Variants in GLTP observed in about 807,000 individuals in gnomAD.
GLTP encodes glycolipid transfer protein.
In GLTP, 22 loss-of-function variants were observed where a neutral mutation model predicts 24.0. The observed-to-expected ratio is 0.92, with a 90% CI of 0.65 to 1.31. GLTP has a LOEUF of 1.31. Among genes scored for constraint, GLTP ranks in the 50% most tolerant of loss-of-function variants. The probability of loss-of-function intolerance (pLI) is 0.00; values close to 1 mark genes in which losing one functional copy is unlikely to be tolerated. For synonymous variants in GLTP, 92 were observed against 115.9 expected (o/e 0.79, Z 1.33); for missense variants, 224 against 276.6 (o/e 0.81, Z 1.35).
chr12:109,852,466 G>A lies in GLTP; in HGVS notation c.*89C>T, dbSNP rs1892738084. The stretch of plus-strand genomic sequence containing the variant: ...CTGCTCTGGGGGACACAGGCCAGGG[G>A]CAGTTCACCGACTTGATTCACAGTG... On this transcript the variant is annotated 3_prime_UTR_variant, in exon 5 of 5. Transcript: ENST00000318348. 2.4e-6 allele frequency: 2 copies of A among 835,742 alleles called. No homozygotes were observed. The highest frequency in any genetic ancestry group is 1.5e-5 in the South Asian group (1 of 66,420). 51.8% of individuals were successfully genotyped at this position (835,742 alleles called of 1,614,324 possible).
chr12:109,877,283 A>C (rs1868918341), intron 1 of GLTP, among the ~76,000 whole-genome samples: 1 of 152,258 alleles, frequency 6.6e-6, no homozygotes, highest in Admixed American at 6.5e-5. Context: ...ACTAATCTAC[A>C]TAGAGTACTT....
In GLTP at chr12:109,855,608, G is replaced by C. The variant is rs763488932; in HGVS notation, c.447+11C>G. On this transcript the variant is annotated intron_variant, in intron 4 of 4. Coordinates refer to ENST00000318348, the MANE Select transcript of GLTP (RefSeq NM_016433.4). This position sits in a 1 kb window ranked among gnomAD's most constrained non-coding sequence, Gnocchi z 4.1. ...GCTGGTGGTCCTTTGGGGCTCATGG[G>C]GGTGGCTCACCTGGAAGATCTTCTG... 5 of 1,542,314 alleles carry C rather than the reference G, an allele frequency of 3.2e-6. No homozygotes were observed. Among genetic ancestry groups the C allele is most frequent in the Non-Finnish European group, 4.4e-6 (5 of 1,141,858 alleles).
intron 1 of GLTP, among the ~76,000 whole-genome samples, chr12:109,871,860 G>C (rs754166345): frequency 1.3e-5 from 2 of 152,194 alleles, no homozygotes; most frequent in African/African-American, 4.8e-5. Context: ...CCCATTGGTG[G>C]GTCCTGGGAG....
intron 1 of GLTP, among the ~76,000 whole-genome samples, chr12:109,868,066 C>A (rs950807458): frequency 6.6e-6 from 1 of 152,150 alleles, no homozygotes; most frequent in Non-Finnish European, 1.5e-5. Flanking sequence ...CGTGAGCCAC[C>A]GCGCCTGGCC....
chr12:109,853,717 T>G, intron 4 of GLTP, among the ~76,000 whole-genome samples: 1 of 148,924 alleles, frequency 6.7e-6, no homozygotes, highest in Non-Finnish European at 1.5e-5. Context: ...AGGCCATGAG[T>G]TTGATAGGAT....
intron 1 of GLTP, among the ~76,000 whole-genome samples, chr12:109,864,941 C>T (rs965469093): frequency 5.3e-5 from 8 of 152,126 alleles, no homozygotes; most frequent in South Asian, 2.1e-4. Flanking sequence ...CTCCACCTCC[C>T]GGGTTCAAGT....
At chr12:109,874,750 T>G (rs1868832784) in intron 1 of GLTP, among the ~76,000 whole-genome samples, 1 of 152,266 alleles carries the variant, frequency 6.6e-6, no homozygotes, top group East Asian at 1.9e-4. Flanking sequence ...ATGTATCTTA[T>G]TTTAGTTTAG....
chr12:109,852,394 C>G lies in GLTP; in HGVS notation c.*161G>C. 2.9e-5 allele frequency: 7 copies of G among 241,512 alleles called. No homozygotes were observed. Among genetic ancestry groups the G allele is most frequent in the Admixed American group, 6.8e-5 (1 of 14,766 alleles). 15.0% of individuals were successfully genotyped at this position (241,512 alleles called of 1,614,324 possible). A position where few individuals can be genotyped will look rare whatever the true frequency, so the allele number is the denominator to read the frequency against. On this transcript the variant is annotated 3_prime_UTR_variant, in exon 5 of 5. Transcript: ENST00000318348. ...AGACCAAAAAAAAAAAAAAAAAAGA[C>G]TTAAAAAACGAGGGCTGTCCCCTGC...
intron 1 of GLTP, among the ~76,000 whole-genome samples, chr12:109,863,003 G>A (rs771190364): frequency 6.6e-6 from 1 of 152,134 alleles, no homozygotes; most frequent in Non-Finnish European, 1.5e-5. Context: ...AGTGAGCCGA[G>A]ACTGCGCCAC....
intron 1 of GLTP, among the ~76,000 whole-genome samples, chr12:109,878,324 T>G (rs1868949220): frequency 6.6e-6 from 1 of 152,238 alleles, no homozygotes; most frequent in Non-Finnish European, 1.5e-5. Context: ...CCTTTGACAC[T>G]GCTCATGTTT....
chr12:109,873,259 A>T (rs1260733736), intron 1 of GLTP, among the ~76,000 whole-genome samples: 1 of 151,824 alleles, frequency 6.6e-6, no homozygotes, highest in Non-Finnish European at 1.5e-5. Context: ...TGCTTGTTGC[A>T]GTGGGGGAGC....
At chr12:109,879,804 T>C (rs1167836427) in intron 1 of GLTP, among the ~76,000 whole-genome samples, 1 of 152,004 alleles carries the variant, frequency 6.6e-6, no homozygotes, top group Non-Finnish European at 1.5e-5. Context: ...AGGGAGAGGC[T>C]GGAAGCGTTC....
chr12:109,875,062 C>A (rs1308579233), intron 1 of GLTP, among the ~76,000 whole-genome samples: 1 of 152,124 alleles, frequency 6.6e-6, no homozygotes. Flanking sequence ...CATGCCTGGC[C>A]TACTCATCTA....
intron 1 of GLTP, among the ~76,000 whole-genome samples, chr12:109,868,013 G>A (rs865893382): frequency 6.6e-6 from 1 of 152,190 alleles, no homozygotes; most frequent in East Asian, 1.9e-4. Context: ...TCCTGACCTC[G>A]TGATCCACCC....
Position 109,852,682 on chromosome 12 carries a change from C to A in GLTP, c.503G>T (p.Gly168Val). Residue 168 changes from glycine (G) to valine (V), a missense_variant, in exon 5 of 5, where the codon GGG becomes GTG. Coordinates refer to ENST00000318348, the MANE Select transcript of GLTP (RefSeq NM_016433.4). ...GCACTCCTCCTCCGTAACATTCTGCCCCTTGGAGAGCGCTTTCAGGAAGTC... is the reference window on the plus strand; with the variant it reads ...GCACTCCTCCTCCGTAACATTCTGCACCTTGGAGAGCGCTTTCAGGAAGTC... ...KSDFLKALSKGQNVTEEECLE... is the reference protein window; with the variant it reads ...KSDFLKALSKVQNVTEEECLE... 6.2e-7 allele frequency: 1 copy of A among 1,612,064 alleles called. No individual in the cohort carries two copies. The highest frequency in any genetic ancestry group is 8.5e-7 in the Non-Finnish European group (1 of 1,178,188).
intron 1 of GLTP, among the ~76,000 whole-genome samples, chr12:109,865,473 C>A (rs1200793069): frequency 1.3e-5 from 2 of 151,746 alleles, no homozygotes; most frequent in African/African-American, 4.8e-5. Flanking sequence ...ACTAAAAATA[C>A]AAAAATTAGC....
chr12:109,880,203 T>G lies in GLTP; in HGVS notation c.103+69A>C. ...GTCTAGGGCAGAGATGGTTAGGGGA[T>G]GCTCGGGGGAAGGAGGATTCGGGTG... On this transcript the variant is annotated intron_variant, in intron 1 of 4. Coordinates refer to ENST00000318348, the MANE Select transcript of GLTP (RefSeq NM_016433.4). The surrounding 1 kb of genome is among the most constrained non-coding windows in gnomAD (Gnocchi z 5.1). The G allele has an allele frequency of 2.2e-6, 2 of 895,442 alleles. No homozygotes were observed. The highest frequency in any genetic ancestry group is 3.6e-6 in the Non-Finnish European group (2 of 562,482). The allele number at this position is 895,442 out of a possible 1,614,324, so 55.5% of individuals were successfully genotyped here.
At chr12:109,853,342 G>A (rs912251928) in intron 4 of GLTP, among the ~76,000 whole-genome samples, 2 of 151,974 alleles carry the variant, frequency 1.3e-5, no homozygotes, top group African/African-American at 4.8e-5. Flanking sequence ...AAAGTACAGA[G>A]AATTCAAAAT....
intron 1 of GLTP, among the ~76,000 whole-genome samples, chr12:109,866,944 T>A (rs1485106412): frequency 6.7e-6 from 1 of 149,382 alleles, no homozygotes; most frequent in African/African-American, 2.5e-5. Context: ...TTTTTTTTTT[T>A]TTTTACCTTT....
Sources: gnomAD v4.1 joint callset for allele counts (sites outside exome capture counted in the v4.1 genomes callset) on GRCh38, gnomAD v4.1.1 for gene constraint, Gnocchi (gnomAD v3.1) non-coding constraint, MANE v1.5 for transcripts, NCBI Gene and HGNC (gene_info 2026-07-23, HGNC 2026-07-21) for gene names.